Variants in PAPPA2 observed in about 807,000 individuals in gnomAD.
PAPPA2 encodes pappalysin 2.
A neutral mutation model predicts 176.4 loss-of-function variants in PAPPA2; 86 were observed. That is an observed-to-expected ratio of 0.49 (90% CI 0.41 to 0.58). PAPPA2 has a LOEUF of 0.58. Ranked by LOEUF, PAPPA2 falls within the 20% of genes least tolerant of loss-of-function variation. PAPPA2 has a pLI of 0.00. For missense variants in PAPPA2, 2,073 were observed against 2,256.9 expected (o/e 0.92, Z 1.65); for synonymous variants, 809 against 852.2 (o/e 0.95, Z 0.88).
At chr1:176,693,677 G>A (rs1385704867) in intron 6 of PAPPA2, among the ~76,000 whole-genome samples, 1 of 152,150 alleles carries the variant, frequency 6.6e-6, no homozygotes, top group Non-Finnish European at 1.5e-5. Flanking sequence ...TACATACTTA[G>A]TGTGTGACAC....
At chr1:176,616,490 A>C in intron 3 of PAPPA2, 1 of 839,342 alleles carries the variant, frequency 1.2e-6, no homozygotes, top group Non-Finnish European at 1.9e-6. Flanking sequence ...AATTAACAGC[A>C]ATATAACAAC....
At chr1:176,735,063 A>T (rs1385222162) in intron 12 of PAPPA2, among the ~76,000 whole-genome samples, 1 of 152,104 alleles carries the variant, frequency 6.6e-6, no homozygotes, top group Non-Finnish European at 1.5e-5. Flanking sequence ...CCTCTCTAGC[A>T]TTTACCTAGG....
At chr1:176,771,936 T>C (rs1664248396) in intron 17 of PAPPA2, among the ~76,000 whole-genome samples, 1 of 152,186 alleles carries the variant, frequency 6.6e-6, no homozygotes. Context: ...CTTAACTCTT[T>C]GGGTCTTGGT....
At chr1:176,765,628 C>T in intron 14 of PAPPA2, 38 bp from the exon 15 acceptor site, 1 of 1,592,878 alleles carries the variant, frequency 6.3e-7, no homozygotes, top group Non-Finnish European at 8.6e-7. Flanking sequence ...TACTGGTTCT[C>T]AACCAGTCCT....
intron 1 of PAPPA2, among the ~76,000 whole-genome samples, chr1:176,510,216 T>G (rs1284106267): frequency 6.6e-6 from 1 of 151,338 alleles, no homozygotes; most frequent in Non-Finnish European, 1.5e-5. Flanking sequence ...AAACTGATAG[T>G]ATAAAGAAAA....
At chr1:176,493,085 A>G (rs1289050239) in intron 1 of PAPPA2, among the ~76,000 whole-genome samples, 2 of 152,220 alleles carry the variant, frequency 1.3e-5, no homozygotes, top group African/African-American at 4.8e-5. Context: ...TTCAGTTTGA[A>G]AAACACTGGA....
chr1:176,560,196 A>T (rs1386631970), intron 2 of PAPPA2, among the ~76,000 whole-genome samples: 2 of 152,228 alleles, frequency 1.3e-5, no homozygotes, highest in Non-Finnish European at 2.9e-5. Flanking sequence ...TGAAAGGGCA[A>T]AAGTGACATT....
chr1:176,740,033 C>A lies in PAPPA2; in HGVS notation c.3988C>A (p.His1330Asn), dbSNP rs1367641646. The change falls in exon 14 of 23, where the codon CAC (histidine) becomes AAC (asparagine). Residue 1330 changes from histidine (H) to asparagine (N), a missense_variant. By Grantham distance (68) the His-to-Asn change is moderately conservative. This residue lies in a region of PAPPA2 where 846 missense variants were observed against 857.9 expected (regional missense o/e 0.99). Transcript: ENST00000367662. ...HNPLIINVTH[H>N]QNVLFHHTTS... is the part of the protein sequence containing the mutation. ...TCCACTGATTATCAATGTGACCCAT[C>A]ACCAGAATGTCCTTTTCCACCATAC... The A allele has an allele frequency of 6.2e-7, 1 of 1,613,830 alleles. No homozygotes were observed. The highest frequency in any genetic ancestry group is 8.5e-7 in the Non-Finnish European group (1 of 1,179,908).
At chr1:176,557,442 C>T (rs1651388918) in intron 2 of PAPPA2, among the ~76,000 whole-genome samples, 2 of 152,144 alleles carry the variant, frequency 1.3e-5, no homozygotes, top group South Asian at 4.1e-4. Flanking sequence ...ATGACTCTAG[C>T]CATATCAGCC....
intron 17 of PAPPA2, among the ~76,000 whole-genome samples, chr1:176,786,592 A>G (rs370057363): frequency 1.1e-4 from 16 of 152,198 alleles, no homozygotes; most frequent in African/African-American, 2.4e-4. Context: ...TGGCATTGGG[A>G]CACAGGTCAT....
Position 176,463,361 on chromosome 1 carries a change from A to G in PAPPA2, c.-974A>G, listed in dbSNP as rs1182098380. ...GGTGTTTGGGGACCTCCCCAAGCCC[A>G]CGAGTATCAATGGCAGTATCAATTG... On this transcript the variant is annotated 5_prime_UTR_variant, in exon 1 of 23. Coordinates refer to ENST00000367662, the MANE Select transcript of PAPPA2 (RefSeq NM_020318.3). The G allele has an allele frequency of 1.3e-5, 2 of 152,250 alleles. No homozygotes were observed. The highest frequency in any genetic ancestry group is 2.9e-5 in the Non-Finnish European group (2 of 68,060). The allele number at this position is 152,250 out of a possible 1,614,324, so 9.4% of individuals were successfully genotyped here.
intron 12 of PAPPA2, among the ~76,000 whole-genome samples, chr1:176,737,867 T>G (rs1324825017): frequency 6.6e-6 from 1 of 152,098 alleles, no homozygotes; most frequent in Non-Finnish European, 1.5e-5. Context: ...GGGTATCTAT[T>G]TTGGGATCCA....
In PAPPA2 at chr1:176,575,971, A is replaced by AT. The variant is rs773908577; in HGVS notation, c.920-18547dup. Among the ~76,000 whole-genome samples, 40 of 152,252 alleles carry AT rather than the reference A, an allele frequency of 2.6e-4. No individual in the cohort carries two copies. The East Asian group carries it at 4.1e-3, about 15-fold the overall frequency. On this transcript the variant is annotated intron_variant, in intron 2 of 22. Transcript: ENST00000367662. ...TTCCTAAATATTCTTCTCAGGTGTG[A>AT]TTTTTTAATGGTAGGGTAGTATTCC...
chr1:176,519,102 C>A (rs1345228920), intron 1 of PAPPA2, among the ~76,000 whole-genome samples: 1 of 152,076 alleles, frequency 6.6e-6, no homozygotes, highest in Non-Finnish European at 1.5e-5. Flanking sequence ...TGGTAAATAT[C>A]CTTGCAGTTC....
At chr1:176,593,327 T>A (rs1653770241) in intron 2 of PAPPA2, among the ~76,000 whole-genome samples, 1 of 152,186 alleles carries the variant, frequency 6.6e-6, no homozygotes, top group East Asian at 1.9e-4. Flanking sequence ...CAAATAAAAG[T>A]CTTATTTAAC....
chr1:176,642,570 T>C lies in PAPPA2; in HGVS notation c.1992-28400T>C, dbSNP rs961392427. 4.6e-5 allele frequency among the ~76,000 whole-genome samples: 7 copies of C among 151,876 alleles called. No homozygotes were observed. The South Asian group carries it at 1.5e-3, about 31-fold the overall frequency. On this transcript the variant is annotated intron_variant, in intron 3 of 22. Coordinates refer to ENST00000367662, the MANE Select transcript of PAPPA2 (RefSeq NM_020318.3). ...CAGTTTTGTGGCTTAAATGGATTGC[T>C]TCAGATGCTTTGTGGATGACAGTGA...
intron 2 of PAPPA2, among the ~76,000 whole-genome samples, chr1:176,567,926 T>C (rs41484054): frequency 0.078 from 11,872 of 152,212 alleles, 1,535 homozygotes; most frequent in African/African-American, 0.27. Flanking sequence ...AGGCCTAAAG[T>C]AGGTGCATTG....
chr1:176,645,682 T>G (rs561915383), intron 3 of PAPPA2, among the ~76,000 whole-genome samples: 1 of 151,872 alleles, frequency 6.6e-6, no homozygotes, highest in Non-Finnish European at 1.5e-5. Flanking sequence ...TTTTTCATAA[T>G]GACTGTACTA....
chr1:176,638,704 T>C (rs1253120490), intron 3 of PAPPA2, among the ~76,000 whole-genome samples: 2 of 151,904 alleles, frequency 1.3e-5, no homozygotes, highest in African/African-American at 2.4e-5. Context: ...AAGTGCTATA[T>C]TGGCTCTGAT....
Sources: allele counts gnomAD v4.1 joint callset (sites outside exome capture counted in the v4.1 genomes callset), GRCh38; gene constraint gnomAD v4.1.1; regional missense constraint gnomAD v4.1.1; transcripts MANE v1.5; gene names NCBI Gene and HGNC (gene_info 2026-07-23, HGNC 2026-07-21).